The following RELCH variants were observed in gnomAD, a reference collection of about 807,000 sequenced individuals.
RELCH encodes RAB11 binding and LisH domain, coiled-coil and HEAT repeat containing.
RELCH carries 41 observed loss-of-function variants against 150.3 expected under a neutral mutation model. That is an observed-to-expected ratio of 0.27 (90% confidence interval 0.21 to 0.35). The LOEUF is 0.35. Ranked by LOEUF, RELCH falls within the 10% of genes least tolerant of loss-of-function variation. The pLI, the probability that RELCH is intolerant of heterozygous loss-of-function variation, is 1.00. For synonymous variants in RELCH, 478 were observed against 531.8 expected, an observed-to-expected ratio of 0.90 and a Z score of 1.39; for missense variants, 1,092 against 1,467.8, an observed-to-expected ratio of 0.74 and a Z score of 4.18.
intron 27 of RELCH, among the ~76,000 whole-genome samples, chr18:62,292,759 A>G (rs1053839093): frequency 6.6e-6 from 1 of 152,084 alleles, no homozygotes. Context: ...TTAATTTCAT[A>G]ATGTCTTTCT....
chr18:62,285,967 A>C (rs1214248619), intron 25 of RELCH: 1 of 152,184 alleles, frequency 6.6e-6, no homozygotes. Flanking sequence ...TGTCTTCCTG[A>C]GAATTAGGAA....
At chr18:62,197,209 A>T (rs956252221) in intron 1 of RELCH, among the ~76,000 whole-genome samples, 1 of 152,192 alleles carries the variant, frequency 6.6e-6, no homozygotes, top group Non-Finnish European at 1.5e-5. Context: ...AGTTGCAAAA[A>T]TACAATATGA....
In RELCH at chr18:62,264,036, A is replaced by G. The variant is rs761215171; in HGVS notation, c.2398A>G (p.Ile800Val). 6.3e-5 allele frequency: 101 copies of G among 1,609,488 alleles called. No homozygotes were observed. Among genetic ancestry groups the G allele is most frequent in the Admixed American group, 1.0e-4 (6 of 59,186 alleles). Residue 800 changes from isoleucine (I) to valine (V), a missense_variant, in exon 17 of 29, where the codon ATT (isoleucine) becomes GTT (valine). Physicochemically the swap from Ile to Val is conservative, Grantham distance 29. Around this residue, in one of 4 missense-constraint regions of RELCH, gnomAD observed 707 missense variants for 1,025.4 expected, o/e 0.69. Coordinates refer to ENST00000644646, the MANE Select transcript of RELCH (RefSeq NM_001346231.2). ...GTCGCCTCTTCAAGATGTGTCCACT[A>G]TTATCGGAAGTCGTGAGCAATTGGC... ...PMSPLQDVSTIIGSREQLAVL... is the reference protein window; with the variant it reads ...PMSPLQDVSTVIGSREQLAVL...
chr18:62,231,720 G>A (rs889629364), intron 9 of RELCH, among the ~76,000 whole-genome samples: 22 of 151,808 alleles, frequency 1.4e-4, no homozygotes, highest in Admixed American at 4.6e-4. Context: ...TAGTCTTGAG[G>A]GGGTATTTTA....
chr18:62,262,344 CT>C (rs1249824359), intron 16 of RELCH, among the ~76,000 whole-genome samples: 3 of 152,010 alleles, frequency 2.0e-5, no homozygotes, highest in African/African-American at 7.2e-5. Flanking sequence ...TATCAGGCAC[CT>C]TTGCAGCCTT....
intron 10 of RELCH, among the ~76,000 whole-genome samples, chr18:62,234,445 T>G (rs1294886686): frequency 6.6e-6 from 1 of 151,726 alleles, no homozygotes; most frequent in Non-Finnish European, 1.5e-5. Context: ...TTTATAAAAC[T>G]CCTGTGATTG....
At chr18:62,234,511 G>A (rs2041775273) in intron 10 of RELCH, among the ~76,000 whole-genome samples, 1 of 151,618 alleles carries the variant, frequency 6.6e-6, no homozygotes, top group African/African-American at 2.4e-5. Flanking sequence ...TCTCTTGTCA[G>A]CAAAAGCCTT....
intron 22 of RELCH, chr18:62,277,748 T>G (rs999398297): frequency 2.3e-6 from 2 of 861,494 alleles, no homozygotes; most frequent in Non-Finnish European, 2.8e-6. Context: ...ATTCCCATTG[T>G]TAAATAAGGG....
chr18:62,191,240 C>G (rs577824291), intron 1 of RELCH, among the ~76,000 whole-genome samples: 1 of 152,348 alleles, frequency 6.6e-6, no homozygotes, highest in Non-Finnish European at 1.5e-5. Context: ...GTTCCAGTTT[C>G]TGTACATCTC....
chr18:62,309,383 CTG>C lies in RELCH; in HGVS notation c.*3852_*3853del, dbSNP rs2045955277. ...TATGCATTTTGTGTGTGAGCCTACA[CTG>C]TGATCACAGTCTCCAAGTGGCACAT... On this transcript the variant is annotated 3_prime_UTR_variant, in exon 29 of 29. Transcript: ENST00000644646. The C allele has an allele frequency of 6.6e-6, 1 of 152,164 alleles. No individual in the cohort carries two copies. The highest frequency in any genetic ancestry group is 1.5e-5 in the Non-Finnish European group (1 of 68,020). The allele number at this position is 152,164 out of a possible 1,614,324, so 9.4% of individuals were successfully genotyped here.
intron 22 of RELCH, among the ~76,000 whole-genome samples, chr18:62,278,505 G>C (rs1198570598): frequency 6.6e-6 from 1 of 152,070 alleles, no homozygotes; most frequent in African/African-American, 2.4e-5. Context: ...CACATAAAGT[G>C]AGTTACTTTC....
intron 10 of RELCH, among the ~76,000 whole-genome samples, chr18:62,236,525 A>T (rs541319793): frequency 6.6e-6 from 1 of 151,706 alleles, no homozygotes; most frequent in South Asian, 2.1e-4. Context: ...GTCTGTTGGG[A>T]TTTTCTACTT....
rs780493990 is a variant in RELCH, at chr18:62,228,288, A to G, written c.1155-17A>G. On this transcript the variant is annotated splice_polypyrimidine_tract_variant and intron_variant, in intron 7 of 28. Transcript: ENST00000644646. ...CAGTTGTCCTCTGGTGATTTCTCTT[A>G]ATTTCTCTTTCTACAGTGAAATGGA... is the stretch of plus-strand genomic sequence containing the variant. The G allele has an allele frequency of 6.3e-7, 1 of 1,585,894 alleles. No individual in the cohort carries two copies. The highest frequency in any genetic ancestry group is 8.6e-7 in the Non-Finnish European group (1 of 1,166,712).
intron 10 of RELCH, among the ~76,000 whole-genome samples, chr18:62,244,551 G>A (rs1232805227): frequency 1.3e-5 from 2 of 152,076 alleles, no homozygotes; most frequent in Non-Finnish European, 2.9e-5. Flanking sequence ...AGCAACTTTT[G>A]TTACATTGTG....
chr18:62,224,655 A>C (rs2041099551), intron 5 of RELCH, among the ~76,000 whole-genome samples: 4 of 152,148 alleles, frequency 2.6e-5, no homozygotes, highest in African/African-American at 9.6e-5. Flanking sequence ...TATCATGTTC[A>C]ATAGTATTAA....
chr18:62,231,612 A>G (rs927486092), intron 9 of RELCH, among the ~76,000 whole-genome samples: 5 of 151,948 alleles, frequency 3.3e-5, no homozygotes, highest in Admixed American at 3.3e-4. Context: ...AAATTACTCT[A>G]TTATTTTCAT....
In RELCH at chr18:62,217,352, T is replaced by A. The variant is rs182418898; in HGVS notation, c.617-3685T>A. Among the ~76,000 whole-genome samples, 218 of 152,138 alleles carry A rather than the reference T, an allele frequency of 1.4e-3. 2 individuals are homozygous for A. Among genetic ancestry groups the A allele is most frequent in the Non-Finnish European group, 4.7e-4 (32 of 67,878 alleles). On this transcript the variant is annotated intron_variant, in intron 2 of 28. Coordinates refer to ENST00000644646, the MANE Select transcript of RELCH (RefSeq NM_001346231.2). ...TTATTGTAGTAATTTATATATTAAG[T>A]CATAAAGGTCTGAACTATGACAATT...
chr18:62,300,177 A>T (rs1176253409), intron 28 of RELCH: 1 of 152,162 alleles, frequency 6.6e-6, no homozygotes, highest in East Asian at 1.9e-4. Context: ...AATTTTGGTG[A>T]TTGCATTTCT....
chr18:62,228,614 A>G lies in RELCH; in HGVS notation c.1448+16A>G. The G allele has an allele frequency of 6.4e-7, 1 of 1,558,534 alleles. No individual in the cohort carries two copies. The highest frequency in any genetic ancestry group is 8.7e-7 in the Non-Finnish European group (1 of 1,148,004). On this transcript the variant is annotated intron_variant, in intron 8 of 28. Transcript: ENST00000644646. Reference sequence around the variant, plus strand: ...AACCTAATAGGTTAGTATGCATCCTATATTTTGAAATGCATCTTTCAGCTA... The same window carrying G: ...AACCTAATAGGTTAGTATGCATCCTGTATTTTGAAATGCATCTTTCAGCTA...
Sources: allele counts gnomAD v4.1 joint callset (sites outside exome capture counted in the v4.1 genomes callset), GRCh38; gene constraint gnomAD v4.1.1; regional missense constraint gnomAD v4.1.1; transcripts MANE v1.5; gene names NCBI Gene and HGNC (gene_info 2026-07-23, HGNC 2026-07-21).